The following TRPM3 variants were observed in gnomAD, a reference collection of about 807,000 sequenced individuals.
The protein encoded by TRPM3 is transient receptor potential cation channel subfamily M member 3, also known as long transient receptor potential channel 3.
A neutral mutation model predicts 181.2 loss-of-function variants in TRPM3; 77 were observed. The ratio of observed to expected loss-of-function variants is 0.42; its 90% confidence interval spans 0.35 to 0.51. TRPM3 has a LOEUF of 0.51. Among genes scored for constraint, TRPM3 ranks in the 20% least tolerant of loss-of-function variants. The probability of loss-of-function intolerance (pLI) is 0.01; values close to 1 mark genes in which losing one functional copy is unlikely to be tolerated. For missense variants in TRPM3, 1,759 were observed against 2,196.7 expected (o/e 0.80, Z 3.98); for synonymous variants, 745 against 796.4 (o/e 0.94, Z 1.09).
intron 1 of TRPM3, among the ~76,000 whole-genome samples, chr9:70,912,231 T>G (rs1335057143): frequency 6.6e-6 from 1 of 152,208 alleles, no homozygotes; most frequent in Non-Finnish European, 1.5e-5. Flanking sequence ...ATAATATTGA[T>G]TTTTAGTGTT....
At chr9:70,852,023 G>A (rs1186374897) in intron 3 of TRPM3, among the ~76,000 whole-genome samples, 2 of 149,620 alleles carry the variant, frequency 1.3e-5, no homozygotes, top group Non-Finnish European at 3.0e-5. Context: ...GGAGGCTGAG[G>A]CAGAAGAATC....
rs2093655622 is a variant in TRPM3 at position 70,827,998 on chromosome 9, G to A, written c.822C>T (p.Thr274=). The change falls in exon 6 of 26, where the codon ACC becomes ACT. Residue 274 remains threonine (T), a synonymous_variant. Coordinates refer to ENST00000677713, the MANE Select transcript of TRPM3 (RefSeq NM_001366145.2). ...TGAGCTTGCTCATGGGATTGGACATGGTCTGGTATGGCCGGACAACCTGCA... is the reference window on the plus strand; with the variant it reads ...TGAGCTTGCTCATGGGATTGGACATAGTCTGGTATGGCCGGACAACCTGCA... The part of the protein sequence containing the change: ...IGRDVVRPYQ[T]MSNPMSKLTV... 6.2e-7 allele frequency: 1 copy of A among 1,613,618 alleles called. No homozygotes were observed. The highest frequency in any genetic ancestry group is 8.5e-7 in the Non-Finnish European group (1 of 1,179,666).
At chr9:71,364,254 G>A (rs952593719) in intron 1 of TRPM3, among the ~76,000 whole-genome samples, 19 of 151,294 alleles carry the variant, frequency 1.3e-4, no homozygotes, top group African/African-American at 2.7e-4. Flanking sequence ...ATTTTTATTC[G>A]CCACTGTTAG....
At chr9:71,014,463 A>T (rs1159537721) in intron 1 of TRPM3, among the ~76,000 whole-genome samples, 2 of 152,034 alleles carry the variant, frequency 1.3e-5, no homozygotes, top group African/African-American at 4.8e-5. Context: ...TGTGTGTGAG[A>T]GTGGAAAATC....
chr9:71,262,943 G>C (rs780002094), intron 1 of TRPM3, among the ~76,000 whole-genome samples: 12 of 152,202 alleles, frequency 7.9e-5, no homozygotes, highest in Non-Finnish European at 1.3e-4. Flanking sequence ...CTGCAGACTG[G>C]AGCTGTCCCT....
intron 3 of TRPM3, among the ~76,000 whole-genome samples, chr9:70,856,365 G>A (rs79331389): frequency 0.014 from 2,058 of 152,196 alleles, 47 homozygotes; most frequent in African/African-American, 0.046. Flanking sequence ...AAACCTTACC[G>A]TGTATGTAAA....
intron 1 of TRPM3, among the ~76,000 whole-genome samples, chr9:71,110,190 G>A (rs565013850): frequency 1.8e-4 from 27 of 152,110 alleles, no homozygotes; most frequent in South Asian, 1.0e-3. Flanking sequence ...TGGCTTTTCC[G>A]TCATTCCTAA....
chr9:71,080,224 CTT>C (rs1413829721), intron 1 of TRPM3, among the ~76,000 whole-genome samples: 1 of 107,308 alleles, frequency 9.3e-6, no homozygotes. Flanking sequence ...AAAAGGGAGA[CTT>C]TGTTCTCTAC....
chr9:70,641,770 A>C (rs1485518695), intron 9 of TRPM3, among the ~76,000 whole-genome samples: 1 of 152,170 alleles, frequency 6.6e-6, no homozygotes, highest in East Asian at 1.9e-4. Flanking sequence ...AGGTGAATGC[A>C]TCCTGTCCAT....
intron 1 of TRPM3, among the ~76,000 whole-genome samples, chr9:70,880,765 A>G (rs925081348): frequency 1.8e-4 from 27 of 152,126 alleles, no homozygotes; most frequent in African/African-American, 6.5e-4. Context: ...GTTACTATCA[A>G]CTTGAGCTTT....
intron 22 of TRPM3, among the ~76,000 whole-genome samples, chr9:70,556,789 A>G (rs369029157): frequency 3.9e-5 from 6 of 152,336 alleles, no homozygotes; most frequent in East Asian, 3.9e-4. Context: ...AGCTTTGTCC[A>G]TAAACTTTAG....
At chr9:71,098,950 G>A (rs796442624) in intron 1 of TRPM3, among the ~76,000 whole-genome samples, 8 of 152,174 alleles carry the variant, frequency 5.3e-5, no homozygotes, top group African/African-American at 1.7e-4. Flanking sequence ...CATCAGTATG[G>A]TGTCATTGCC....
chr9:71,255,978 G>A (rs1029525316), intron 1 of TRPM3, among the ~76,000 whole-genome samples: 3 of 152,092 alleles, frequency 2.0e-5, no homozygotes, highest in Admixed American at 6.5e-5. Context: ...AAAAAAAATC[G>A]ATTTATTGCT....
chr9:71,182,732 G>T (rs2077470886), intron 1 of TRPM3, among the ~76,000 whole-genome samples: 1 of 152,048 alleles, frequency 6.6e-6, no homozygotes. Context: ...TGACATCTTG[G>T]CTCATTGCAA....
intron 1 of TRPM3, among the ~76,000 whole-genome samples, chr9:70,907,292 C>T (rs914765998): frequency 3.3e-5 from 5 of 152,168 alleles, no homozygotes; most frequent in Non-Finnish European, 7.3e-5. Flanking sequence ...GACAAGGTGA[C>T]ACTCTGCCTC....
upstream of TRPM3, among the ~76,000 whole-genome samples, chr9:71,122,787 T>A (rs10780988): frequency 0.32 from 48,903 of 151,876 alleles, 8,397 homozygotes; most frequent in East Asian, 0.48. Flanking sequence ...AGAAAACTAG[T>A]CCACGGGTGG....
At chr9:71,400,535 T>C (rs115112130) in intron 1 of TRPM3, among the ~76,000 whole-genome samples, 225 of 152,362 alleles carry the variant, frequency 1.5e-3, no homozygotes, top group African/African-American at 5.2e-3. Flanking sequence ...TTGGTTAATA[T>C]ACTTCTAATT....
At chr9:70,565,062 A>C (rs2050193462) in intron 22 of TRPM3, among the ~76,000 whole-genome samples, 1 of 152,184 alleles carries the variant, frequency 6.6e-6, no homozygotes, top group Admixed American at 6.5e-5. Flanking sequence ...GAATCCAGAC[A>C]ATAGGCAGTC....
intron 1 of TRPM3, among the ~76,000 whole-genome samples, chr9:70,924,717 A>C (rs893409259): frequency 2.0e-5 from 3 of 152,184 alleles, no homozygotes; most frequent in Non-Finnish European, 4.4e-5. Context: ...CTAAAATTTG[A>C]CATGTTAACA....
Sources: allele counts gnomAD v4.1 joint callset (sites outside exome capture counted in the v4.1 genomes callset), GRCh38; gene constraint gnomAD v4.1.1; transcripts MANE v1.5; gene names NCBI Gene and HGNC (gene_info 2026-07-23, HGNC 2026-07-21).